Variants in MAPK10 observed in about 807,000 individuals in gnomAD.
MAPK10 encodes the protein JNK3 alpha protein kinase.
Under a neutral mutation model 59.3 loss-of-function variants are expected in MAPK10, and 25 were observed. The ratio of observed to expected loss-of-function variants is 0.42; its 90% CI spans 0.31 to 0.59. MAPK10 has a LOEUF of 0.59. Among genes scored for constraint, MAPK10 ranks in the 20% least tolerant of loss-of-function variants. The pLI is 0.15. For synonymous variants in MAPK10, 190 were observed against 200.5 expected, an observed-to-expected ratio of 0.95 and a Z score of 0.44; for missense variants, 351 against 568.9, an observed-to-expected ratio of 0.62 and a Z score of 3.90.
Position 86,443,899 on chromosome 4 carries a change from A to T in MAPK10, c.-122+9131T>A, listed in dbSNP as rs188182323. ...CATGCAAGAATAGATGCGTAATATA[A>T]GCAGAGGGAAGGAAATTATAAGGAA... On this transcript the variant is annotated intron_variant, in intron 1 of 13. Transcript: ENST00000361569. Among the ~76,000 whole-genome samples the T allele has an allele frequency of 1.5e-3, 226 of 152,308 alleles. 4 individuals are homozygous for T. The South Asian group carries it at 0.018, about 12-fold the overall frequency.
At chr4:86,440,639 A>T (rs1749306099) in intron 1 of MAPK10, among the ~76,000 whole-genome samples, 1 of 151,924 alleles carries the variant, frequency 6.6e-6, no homozygotes, top group Non-Finnish European at 1.5e-5. Context: ...AAAAAAAAAA[A>T]AAAGGAATGT....
chr4:86,327,187 C>G (rs1218642993), intron 2 of MAPK10: 2 of 149,914 alleles, frequency 1.3e-5, no homozygotes, highest in East Asian at 3.9e-4. Flanking sequence ...GTTGCCCAGG[C>G]TGGTCTCAAA....
intron 1 of MAPK10, among the ~76,000 whole-genome samples, chr4:86,544,409 A>G (rs1161516277): frequency 6.6e-6 from 1 of 152,248 alleles, no homozygotes; most frequent in African/African-American, 2.4e-5. Flanking sequence ...GATATATTGT[A>G]GTTACTGCCT....
chr4:86,394,666 A>C (rs909352588), intron 1 of MAPK10, among the ~76,000 whole-genome samples: 9 of 152,350 alleles, frequency 5.9e-5, no homozygotes, highest in African/African-American at 2.2e-4. Context: ...TGACTCGTGG[A>C]AAGGGATGTC....
intron 1 of MAPK10, among the ~76,000 whole-genome samples, chr4:86,409,078 ATAAGGTG>A (rs1744782682): frequency 6.6e-6 from 1 of 152,108 alleles, no homozygotes; most frequent in Non-Finnish European, 1.5e-5. Context: ...TAATTTTTGT[ATAAGGTG>A]TAAGGAAGGG....
At chr4:86,373,941 A>G (rs767924623) in intron 1 of MAPK10, among the ~76,000 whole-genome samples, 14 of 152,202 alleles carry the variant, frequency 9.2e-5, no homozygotes, top group Non-Finnish European at 1.5e-4. Flanking sequence ...TTCTACTATA[A>G]AGACACATGC....
At position 86,133,218 on chromosome 4, in the gene MAPK10, A is replaced by T. The variant is rs548612517; in HGVS notation, c.237-25866T>A. On this transcript the variant is annotated intron_variant, in intron 4 of 13. Transcript: ENST00000641462. ...TTCTCTACAGATAATGATATTACAA[A>T]ATCATCTTCATGTGGAGACATATTA... 5.3e-5 allele frequency among the ~76,000 whole-genome samples: 8 copies of T among 152,074 alleles called. 1 individual carries two copies. In the South Asian group the frequency reaches 1.0e-3, roughly 20 times the overall value.
intron 2 of MAPK10, among the ~76,000 whole-genome samples, chr4:86,269,258 A>G (rs2094354007): frequency 6.6e-6 from 1 of 152,226 alleles, no homozygotes; most frequent in Non-Finnish European, 1.5e-5. Context: ...TAGGCTGTGT[A>G]GTGAGTACAT....
Position 86,261,015 on chromosome 4 carries a change from G to C in MAPK10, c.-6-66608C>G, listed in dbSNP as rs191884844. On this transcript the variant is annotated intron_variant, in intron 2 of 13. Coordinates refer to ENST00000641462, the MANE Select transcript of MAPK10 (RefSeq NM_138982.4). ...ATAAGAAAAGTTTAGTGTCCTATAAGAGGACAAAGGAGAAGCAATTAACCT... is the reference window on the plus strand; with the variant it reads ...ATAAGAAAAGTTTAGTGTCCTATAACAGGACAAAGGAGAAGCAATTAACCT... Among the ~76,000 whole-genome samples, 455 of 152,224 alleles carry C rather than the reference G, an allele frequency of 3.0e-3. 2 individuals are homozygous for C. Among genetic ancestry groups the C allele is most frequent in the Non-Finnish European group, 4.6e-3 (314 of 68,002 alleles).
chr4:86,113,334 T>C (rs181803623), intron 4 of MAPK10, among the ~76,000 whole-genome samples: 3 of 152,246 alleles, frequency 2.0e-5, no homozygotes, highest in Non-Finnish European at 4.4e-5. Flanking sequence ...CTCCAGCGTG[T>C]TTTTGTAGTG....
chr4:86,081,202 A>G (rs2050579950), intron 9 of MAPK10: 2 of 152,038 alleles, frequency 1.3e-5, no homozygotes, highest in Admixed American at 6.5e-5. Context: ...TGAAACTGGA[A>G]TAAAGTAGGT....
chr4:86,554,645 T>G (rs1193422944), intron 1 of MAPK10, among the ~76,000 whole-genome samples: 1 of 152,240 alleles, frequency 6.6e-6, no homozygotes, highest in Non-Finnish European at 1.5e-5. Flanking sequence ...TGTCCTAGAT[T>G]ATTGCCACAT....
intron 3 of MAPK10, among the ~76,000 whole-genome samples, chr4:86,162,221 T>C (rs1271760368): frequency 6.6e-6 from 1 of 151,430 alleles, no homozygotes; most frequent in Non-Finnish European, 1.5e-5. Context: ...AAAAAGAAAC[T>C]ACCAAGCAGA....
At chr4:86,223,378 T>A (rs2090017627) in intron 2 of MAPK10, among the ~76,000 whole-genome samples, 1 of 152,212 alleles carries the variant, frequency 6.6e-6, no homozygotes, top group Admixed American at 6.5e-5. Context: ...GCGTATGGAC[T>A]CTGTGATGAG....
chr4:86,047,819 G>A (rs1401602729), intron 11 of MAPK10, among the ~76,000 whole-genome samples: 1 of 152,162 alleles, frequency 6.6e-6, no homozygotes, highest in Admixed American at 6.6e-5. Context: ...ATGGGAAGGT[G>A]TTAGCTGAGG....
intron 1 of MAPK10, among the ~76,000 whole-genome samples, chr4:86,538,143 T>C (rs930055804): frequency 6.7e-6 from 1 of 148,822 alleles, no homozygotes; most frequent in Admixed American, 6.9e-5. Flanking sequence ...TATAGCCTTA[T>C]AATAAATCTT....
intron 2 of MAPK10, among the ~76,000 whole-genome samples, chr4:86,210,646 A>C (rs1239322812): frequency 6.6e-6 from 1 of 151,938 alleles, no homozygotes; most frequent in African/African-American, 2.4e-5. Context: ...ATGAAAATTA[A>C]AAACTTTAAA....
intron 2 of MAPK10, among the ~76,000 whole-genome samples, chr4:86,277,666 A>C (rs2094630167): frequency 6.6e-6 from 1 of 152,182 alleles, no homozygotes; most frequent in South Asian, 2.1e-4. Flanking sequence ...TAAGATGCTT[A>C]ATAACCAGTG....
intron 4 of MAPK10, among the ~76,000 whole-genome samples, chr4:86,146,524 G>A (rs2065043850): frequency 6.6e-6 from 1 of 152,120 alleles, no homozygotes; most frequent in Non-Finnish European, 1.5e-5. Flanking sequence ...GTGCAGTTAG[G>A]TTATAGCCAT....
Sources: gnomAD v4.1 joint callset for allele counts (sites outside exome capture counted in the v4.1 genomes callset) on GRCh38, gnomAD v4.1.1 for gene constraint, MANE v1.5 for transcripts, NCBI Gene and HGNC (gene_info 2026-07-23, HGNC 2026-07-21) for gene names.